NGLY1: variants seen among roughly 807,000 people sequenced by gnomAD.
NGLY1 encodes the protein N-glycanase 1, also known as peptide-N(4)-(N-acetyl-beta-glucosaminyl)asparagine amidase.
A neutral mutation model predicts 84.6 loss-of-function variants in NGLY1; 68 were observed. The observed-to-expected ratio is 0.80, with a 90% CI of 0.66 to 0.98. The LOEUF is 0.98. NGLY1 is among the 50% of genes least tolerant of loss of function. The probability of loss-of-function intolerance (pLI) is 0.00; values close to 1 mark genes in which losing one functional copy is unlikely to be tolerated. For synonymous variants in NGLY1, 280 were observed against 275.2 expected (o/e 1.02, Z -0.17); for missense variants, 779 against 770.2 (o/e 1.01, Z -0.14).
At chr3:25,722,141 T>C (rs762248483) in intron 10 of NGLY1, among the ~76,000 whole-genome samples, 1 of 151,428 alleles carries the variant, frequency 6.6e-6, no homozygotes, top group Non-Finnish European at 1.5e-5. Context: ...TTGCTTGAAC[T>C]AGGGAGGCAG....
intron 3 of NGLY1, chr3:25,755,095 T>G: frequency 6.9e-7 from 1 of 1,448,274 alleles, no homozygotes; most frequent in South Asian, 1.1e-5. Flanking sequence ...CAAAAATTTA[T>G]TCGAGCCATG....
At chr3:25,742,443 A>C (rs1706195909) in intron 4 of NGLY1, among the ~76,000 whole-genome samples, 1 of 152,278 alleles carries the variant, frequency 6.6e-6, no homozygotes, top group Admixed American at 6.5e-5. Flanking sequence ...TGAGATGATA[A>C]ATTTTAAATA....
In NGLY1 at chr3:25,755,246, C is replaced by T. The variant is rs865967758; in HGVS notation, c.493-3983G>A. ...TCAAACCCCTTTGCCACTGATTAAGCCATATGCAGGACCTAGACTCCCACC... is the reference window on the plus strand; with the variant it reads ...TCAAACCCCTTTGCCACTGATTAAGTCATATGCAGGACCTAGACTCCCACC... On this transcript the variant is annotated intron_variant, in intron 3 of 11. Coordinates refer to ENST00000280700, the MANE Select transcript of NGLY1 (RefSeq NM_018297.4). 1.8e-5 allele frequency: 25 copies of T among 1,370,366 alleles called. No homozygotes were observed. The African/African-American group carries it at 3.3e-4, about 18-fold the overall frequency. The allele number at this position is 1,370,366 out of a possible 1,614,324, so 84.9% of individuals were successfully genotyped here.
At position 25,728,598 on chromosome 3, in the gene NGLY1, C is replaced by T. The variant is rs536913604; in HGVS notation, c.1611+535G>A. Reference sequence around the variant, plus strand: ...ATAAATGAACTGCTATAGTCCTAACCTCTACTTAATTATTTTTTTAAGATA... The same window carrying T: ...ATAAATGAACTGCTATAGTCCTAACTTCTACTTAATTATTTTTTTAAGATA... On this transcript the variant is annotated intron_variant, in intron 10 of 11. Transcript: ENST00000280700. 7.2e-5 allele frequency among the ~76,000 whole-genome samples: 11 copies of T among 152,086 alleles called. No homozygotes were observed. In the South Asian group the frequency reaches 8.3e-4, roughly 11 times the overall value.
intron 10 of NGLY1, among the ~76,000 whole-genome samples, chr3:25,722,274 C>CACACACATAT (rs145856271): frequency 2.0e-5 from 3 of 148,622 alleles, no homozygotes; most frequent in South Asian, 4.2e-4. Context: ...TGTATACACA[C>CACACACATAT]ATATATATAT....
intron 7 of NGLY1, chr3:25,734,876 T>G (rs1261947208): frequency 1.1e-6 from 1 of 892,658 alleles, no homozygotes; most frequent in African/African-American, 1.8e-5. Context: ...GCAAAGCTGA[T>G]TCCACAAAAT....
intron 10 of NGLY1, among the ~76,000 whole-genome samples, chr3:25,728,550 G>C (rs1382299392): frequency 6.6e-6 from 1 of 152,102 alleles, no homozygotes; most frequent in Admixed American, 6.6e-5. Context: ...CTGATAGCAT[G>C]TGACGATAAT....
intron 2 of NGLY1, among the ~76,000 whole-genome samples, chr3:25,765,453 C>CA (rs939891781): frequency 0.051 from 2,953 of 57,664 alleles, 76 homozygotes; most frequent in African/African-American, 0.1. Context: ...GACTCAGTCT[C>CA]AAAAAAAAAA....
chr3:25,779,748 T>C (rs1235483947), intron 1 of NGLY1, among the ~76,000 whole-genome samples: 1 of 152,262 alleles, frequency 6.6e-6, no homozygotes, highest in Non-Finnish European at 1.5e-5. Context: ...AAATTTTGCA[T>C]TTGTTTTTCA....
chr3:25,719,886 T>A lies in NGLY1; in HGVS notation c.1789+128A>T, dbSNP rs1704893075. 3.5e-6 allele frequency: 3 copies of A among 856,874 alleles called. No individual in the cohort carries two copies. In the South Asian group the frequency reaches 8.2e-5, roughly 23 times the overall value. 53.1% of individuals were successfully genotyped at this position (856,874 alleles called of 1,614,324 possible). ...GGATCACACAGGGTTTATTAAATTT[T>A]TTTTTTTTTACTGAAATAGTATTAA... On this transcript the variant is annotated intron_variant, in intron 11 of 11. Coordinates refer to ENST00000280700, the MANE Select transcript of NGLY1 (RefSeq NM_018297.4).
At chr3:25,781,280 C>A (rs1300739061) in intron 1 of NGLY1, among the ~76,000 whole-genome samples, 1 of 152,024 alleles carries the variant, frequency 6.6e-6, no homozygotes, top group Non-Finnish European at 1.5e-5. Context: ...CATCTCTGGA[C>A]CTCACATTAA....
At chr3:25,725,910 A>G (rs1191801327) in intron 10 of NGLY1, among the ~76,000 whole-genome samples, 2 of 152,196 alleles carry the variant, frequency 1.3e-5, no homozygotes, top group Non-Finnish European at 2.9e-5. Context: ...CCATTAATCT[A>G]AACAGTTGAC....
At chr3:25,739,930 G>C in intron 4 of NGLY1, 131 bp from the exon 5 acceptor site, 1 of 679,792 alleles carries the variant, frequency 1.5e-6, no homozygotes, top group African/African-American at 1.8e-5. Flanking sequence ...TCACTAATAA[G>C]AGGCAAGAAG....
Position 25,733,892 on chromosome 3 carries a change from T to C in NGLY1, c.1240A>G (p.Ile414Val), listed in dbSNP as rs371004438. Residue 414 changes from isoleucine (I) to valine (V), a missense_variant, in exon 8 of 12, where the codon ATT becomes GTT. Ile to Val is a conservative substitution (Grantham distance 29). Transcript: ENST00000280700. ...CATACCTGCTTATTAAGCCCATTAATAGTGTCTCGAAGTAATGCTTCTTTA... is the reference window on the plus strand; with the variant it reads ...CATACCTGCTTATTAAGCCCATTAACAGTGTCTCGAAGTAATGCTTCTTTA... ...KVKEALLRDT[I>V]NGLNKQRQLF... 1.1e-5 allele frequency: 18 copies of C among 1,613,534 alleles called. No individual in the cohort carries two copies. Among genetic ancestry groups the C allele is most frequent in the Admixed American group, 3.3e-5 (2 of 59,988 alleles).
At chr3:25,755,747 G>T in intron 3 of NGLY1, 4 of 919,418 alleles carry the variant, frequency 4.4e-6, no homozygotes. Context: ...TACTGAACTA[G>T]AATATTCTAG....
chr3:25,756,784 G>A (rs1707058069), intron 3 of NGLY1, among the ~76,000 whole-genome samples: 1 of 152,070 alleles, frequency 6.6e-6, no homozygotes, highest in African/African-American at 2.4e-5. Flanking sequence ...AGACACTAAT[G>A]GTTCTCCATC....
chr3:25,787,994 T>C (rs921056876), upstream of NGLY1, among the ~76,000 whole-genome samples: 6 of 152,246 alleles, frequency 3.9e-5, no homozygotes, highest in African/African-American at 1.4e-4. Context: ...TTTCTGACTT[T>C]ACGAGGTAGC....
At chr3:25,763,798 G>A (rs1707426968) in intron 3 of NGLY1, among the ~76,000 whole-genome samples, 1 of 152,040 alleles carries the variant, frequency 6.6e-6, no homozygotes, top group South Asian at 2.1e-4. Context: ...CTTTTTTATT[G>A]AATTAAGGTA....
intron 2 of NGLY1, among the ~76,000 whole-genome samples, chr3:25,770,017 A>G (rs940026459): frequency 4.6e-5 from 7 of 152,210 alleles, no homozygotes; most frequent in Non-Finnish European, 8.8e-5. Context: ...GCTCCCACTT[A>G]TAAGTGAGAA....
Sources: allele counts gnomAD v4.1 joint callset (sites outside exome capture counted in the v4.1 genomes callset), GRCh38; gene constraint gnomAD v4.1.1; transcripts MANE v1.5; gene names NCBI Gene and HGNC (gene_info 2026-07-23, HGNC 2026-07-21).